GPM6A: variants seen among roughly 807,000 people sequenced by gnomAD.
The protein encoded by GPM6A is neuronal membrane glycoprotein M6-a.
In GPM6A, 7 loss-of-function variants were observed where a neutral mutation model predicts 32.1. The ratio of observed to expected loss-of-function variants is 0.22; its 90% CI spans 0.12 to 0.41. GPM6A has a LOEUF of 0.41. GPM6A is among the 10% of genes least tolerant of loss of function. The pLI is 1.00. For missense variants in GPM6A, 235 were observed against 347.2 expected, an observed-to-expected ratio of 0.68 and a Z score of 2.57; for synonymous variants, 130 against 123.4, an observed-to-expected ratio of 1.05 and a Z score of -0.35.
chr4:175,751,173 A>G (rs1732320881), intron 1 of GPM6A, among the ~76,000 whole-genome samples: 1 of 152,206 alleles, frequency 6.6e-6, no homozygotes, highest in Admixed American at 6.6e-5. Context: ...AATGCTTTAA[A>G]GAGTCATAAA....
At chr4:175,798,401 C>T (rs1289290202) in intron 1 of GPM6A, among the ~76,000 whole-genome samples, 1 of 152,140 alleles carries the variant, frequency 6.6e-6, no homozygotes, top group Non-Finnish European at 1.5e-5. Context: ...GTTTATGACA[C>T]TTACAATTCA....
upstream of GPM6A, among the ~76,000 whole-genome samples, chr4:175,816,500 A>G (rs1735104222): frequency 6.6e-6 from 1 of 152,232 alleles, no homozygotes. Flanking sequence ...AATGTTCATA[A>G]TATAGACAAG....
chr4:175,638,776 A>C (rs767760616), intron 6 of GPM6A, among the ~76,000 whole-genome samples: 1 of 152,126 alleles, frequency 6.6e-6, no homozygotes, highest in Non-Finnish European at 1.5e-5. Flanking sequence ...GTGTCATTAA[A>C]GTTTTTGACA....
chr4:175,649,042 A>T (rs886221576), intron 4 of GPM6A, among the ~76,000 whole-genome samples: 5 of 152,208 alleles, frequency 3.3e-5, no homozygotes, highest in African/African-American at 1.2e-4. Flanking sequence ...TCTTTTGCTA[A>T]AAATTGTATT....
At chr4:175,640,451 T>A (rs918693069) in intron 5 of GPM6A, among the ~76,000 whole-genome samples, 12 of 152,180 alleles carry the variant, frequency 7.9e-5, no homozygotes, top group African/African-American at 2.9e-4. Flanking sequence ...TTTTCATCAG[T>A]AACATTATAA....
intron 2 of GPM6A, among the ~76,000 whole-genome samples, chr4:175,675,925 C>T (rs1018101695): frequency 6.6e-6 from 1 of 152,020 alleles, no homozygotes; most frequent in Non-Finnish European, 1.5e-5. Flanking sequence ...GGCTGTGTCC[C>T]CACCCAAATC....
intron 3 of GPM6A, among the ~76,000 whole-genome samples, chr4:175,659,461 A>T (rs942816072): frequency 2.0e-5 from 3 of 152,206 alleles, no homozygotes; most frequent in African/African-American, 7.2e-5. Flanking sequence ...GTTACTTTGC[A>T]GAAGGTAAAA....
At chr4:175,840,548 C>A (rs1156655268) in intron 1 of GPM6A, among the ~76,000 whole-genome samples, 1 of 152,122 alleles carries the variant, frequency 6.6e-6, no homozygotes, top group Non-Finnish European at 1.5e-5. Context: ...GTGGCGCAGG[C>A]CTGTAATCCC....
Position 175,951,693 on chromosome 4 carries a change from G to A in GPM6A, c.-23+50616C>T, listed in dbSNP as rs887032976. Among the ~76,000 whole-genome samples, 8 of 152,224 alleles carry A rather than the reference G, an allele frequency of 5.3e-5. No homozygotes were observed. In the East Asian group the frequency reaches 9.6e-4, roughly 18 times the overall value. ...TGAAAAAATATCTGGATTTATCCCAGAATTATATAGCTTTATACAAGTCAA... is the reference window on the plus strand; with the variant it reads ...TGAAAAAATATCTGGATTTATCCCAAAATTATATAGCTTTATACAAGTCAA... On this transcript the variant is annotated intron_variant, in intron 1 of 7. Transcript: ENST00000280187.
intron 1 of GPM6A, among the ~76,000 whole-genome samples, chr4:175,717,913 A>C (rs1348556394): frequency 1.3e-5 from 2 of 152,216 alleles, no homozygotes; most frequent in Non-Finnish European, 2.9e-5. Context: ...TTATTTAGTG[A>C]AGCAACATGG....
chr4:175,753,893 A>C (rs1732432161), intron 1 of GPM6A, among the ~76,000 whole-genome samples: 1 of 152,096 alleles, frequency 6.6e-6, no homozygotes, highest in Non-Finnish European at 1.5e-5. Context: ...GTGCTCCATC[A>C]TCTACTGTTC....
At chr4:175,940,625 G>A (rs1005267177) in intron 1 of GPM6A, among the ~76,000 whole-genome samples, 5 of 151,848 alleles carry the variant, frequency 3.3e-5, no homozygotes, top group Admixed American at 6.6e-5. Flanking sequence ...ACGTCCCCCC[G>A]AGATGGAGTG....
intron 1 of GPM6A, among the ~76,000 whole-genome samples, chr4:175,731,705 T>A (rs1731441680): frequency 6.6e-6 from 1 of 152,218 alleles, no homozygotes; most frequent in African/African-American, 2.4e-5. Flanking sequence ...ATGACGTCAC[T>A]CCCTTTCTTA....
At chr4:175,637,786 A>C (rs1219417265) in intron 6 of GPM6A, among the ~76,000 whole-genome samples, 61 of 85,512 alleles carry the variant, frequency 7.1e-4, no homozygotes, top group Non-Finnish European at 1.3e-3. Context: ...TATATATAAT[A>C]TATAATATAA....
chr4:175,646,140 A>C (rs1309300248), intron 4 of GPM6A, among the ~76,000 whole-genome samples: 3 of 152,176 alleles, frequency 2.0e-5, no homozygotes, highest in Non-Finnish European at 4.4e-5. Context: ...GTTGATTAGC[A>C]ACCTTAATTC....
intron 1 of GPM6A, among the ~76,000 whole-genome samples, chr4:175,867,381 C>T (rs112651254): frequency 2.3e-3 from 348 of 152,106 alleles, no homozygotes; most frequent in African/African-American, 8.0e-3. Flanking sequence ...ATTATTATAG[C>T]TTTGCACTTA....
chr4:175,969,982 T>C (rs1012016690), intron 1 of GPM6A, among the ~76,000 whole-genome samples: 2 of 152,222 alleles, frequency 1.3e-5, no homozygotes, highest in Admixed American at 1.3e-4. Context: ...GCAATTTAAC[T>C]ACTTTTACTT....
chr4:175,638,973 G>T (rs1740973745), intron 6 of GPM6A, among the ~76,000 whole-genome samples: 1 of 151,950 alleles, frequency 6.6e-6, no homozygotes, highest in African/African-American at 2.4e-5. Flanking sequence ...GTTCTATTTT[G>T]ATCCCCCCAA....
At chr4:175,982,217 TCACAAAATAAGA>T (rs1230642914) in intron 1 of GPM6A, among the ~76,000 whole-genome samples, 4 of 152,118 alleles carry the variant, frequency 2.6e-5, no homozygotes, top group Non-Finnish European at 5.9e-5. Flanking sequence ...CCTTAATGTG[TCACAAAATAAGA>T]CACAAAATAA....
Sources: allele counts gnomAD v4.1 joint callset (sites outside exome capture counted in the v4.1 genomes callset), GRCh38; gene constraint gnomAD v4.1.1; transcripts MANE v1.5; gene names NCBI Gene and HGNC (gene_info 2026-07-23, HGNC 2026-07-21).